The following KCNT2 variants were observed in gnomAD, a reference collection of about 807,000 sequenced individuals.
KCNT2 encodes the protein potassium channel subfamily T member 2.
In KCNT2, 67 loss-of-function variants were observed where a neutral mutation model predicts 153.8. The observed-to-expected ratio is 0.44, with a 90% CI of 0.36 to 0.53. KCNT2 has a LOEUF of 0.53. KCNT2 is among the 20% of genes least tolerant of loss of function. The pLI is 0.00. For synonymous variants in KCNT2, 500 were observed against 458.8 expected, an observed-to-expected ratio of 1.09 and a Z score of -1.15; for missense variants, 975 against 1,354.8, an observed-to-expected ratio of 0.72 and a Z score of 4.40.
chr1:196,451,217 C>CTATTTTTTTTTTTTTTTTTTTT (rs1676135727), intron 8 of KCNT2, among the ~76,000 whole-genome samples: 2 of 63,552 alleles, frequency 3.1e-5, no homozygotes, highest in African/African-American at 9.4e-5. Context: ...ATCCCTCTTT[C>CTATTTTTTTTTTTTTTTTTTTT]TTTTTTTTTT....
Position 196,452,745 on chromosome 1 carries a change from T to C in KCNT2, c.638+12548A>G, listed in dbSNP as rs533967686. ...ATAGATGGTATTATAAGGAATTGAC[T>C]CACTAAACTATGAAGGCTGATGGTG... On this transcript the variant is annotated intron_variant, in intron 8 of 27. Coordinates refer to ENST00000294725, the MANE Select transcript of KCNT2 (RefSeq NM_198503.5). Among the ~76,000 whole-genome samples the C allele has an allele frequency of 1.8e-4, 28 of 152,000 alleles. No individual in the cohort carries two copies. In the South Asian group the frequency reaches 2.1e-3, roughly 11 times the overall value.
intron 1 of KCNT2, among the ~76,000 whole-genome samples, chr1:196,527,443 G>A (rs1381908028): frequency 1.3e-5 from 2 of 152,088 alleles, no homozygotes; most frequent in East Asian, 1.9e-4. Flanking sequence ...AAGTATTCAC[G>A]TGTGAGTAAT....
intron 1 of KCNT2, among the ~76,000 whole-genome samples, chr1:196,553,677 C>A (rs1658251224): frequency 6.6e-6 from 1 of 151,090 alleles, no homozygotes; most frequent in Non-Finnish European, 1.5e-5. Flanking sequence ...CCAATGGCTG[C>A]ACAATATGCA....
Position 196,429,670 on chromosome 1 carries a change from A to G in KCNT2, c.726T>C (p.Thr242=). ...CAGGAGTGACATCCCCGAAGCCCAC[A>G]GTAGAAAACGTCACAATGCAGAAAT... ...SLYFCIVTFS[T]VGFGDVTPET... The change falls in exon 9 of 28, where the codon ACT becomes ACC. Residue 242 remains threonine (T), a synonymous_variant. Transcript: ENST00000294725. 1.2e-6 allele frequency: 2 copies of G among 1,612,794 alleles called. No individual in the cohort carries two copies. The highest frequency in any genetic ancestry group is 1.1e-5 in the South Asian group (1 of 91,026).
At chr1:196,299,110 A>AAGCAAGAG (rs1660942970) in intron 22 of KCNT2, among the ~76,000 whole-genome samples, 1 of 152,044 alleles carries the variant, frequency 6.6e-6, no homozygotes, top group Admixed American at 6.6e-5. Flanking sequence ...AAATACATCA[A>AAGCAAGAG]AGCAAGAGAA....
rs139175209 is a variant in KCNT2, at chr1:196,551,691, A to G, written c.95+56524T>C. On this transcript the variant is annotated intron_variant, in intron 1 of 27. Coordinates refer to ENST00000294725, the MANE Select transcript of KCNT2 (RefSeq NM_198503.5). ...GATAAAGTCCACTCTGAAATATGGAACGACTCTTTTTTTATGTGTTTTTCT... is the reference window on the plus strand; with the variant it reads ...GATAAAGTCCACTCTGAAATATGGAGCGACTCTTTTTTTATGTGTTTTTCT... 5.3e-4 allele frequency among the ~76,000 whole-genome samples: 81 copies of G among 151,704 alleles called. 1 individual carries two copies. The East Asian group carries it at 0.014, about 27-fold the overall frequency.
At chr1:196,352,783 T>C (rs1379608188) in intron 14 of KCNT2, among the ~76,000 whole-genome samples, 1 of 152,104 alleles carries the variant, frequency 6.6e-6, no homozygotes, top group Non-Finnish European at 1.5e-5. Flanking sequence ...TTCTAGTTCT[T>C]TTAATTGTGA....
chr1:196,474,974 A>G (rs1320450180), intron 5 of KCNT2, among the ~76,000 whole-genome samples: 1 of 152,192 alleles, frequency 6.6e-6, no homozygotes, highest in Admixed American at 6.5e-5. Flanking sequence ...TTTCGCTTTA[A>G]GTTGGTCTGG....
At chr1:196,442,160 G>T (rs2148590375) in intron 8 of KCNT2, among the ~76,000 whole-genome samples, 1 of 151,866 alleles carries the variant, frequency 6.6e-6, no homozygotes, top group East Asian at 2.0e-4. Flanking sequence ...CGACGGAAAA[G>T]CTATTATAAA....
At chr1:196,515,038 GAAAATTGTAA>G (rs1339633153) in intron 1 of KCNT2, among the ~76,000 whole-genome samples, 3 of 152,142 alleles carry the variant, frequency 2.0e-5, no homozygotes, top group Non-Finnish European at 4.4e-5. Flanking sequence ...TCTAATTTAG[GAAAATTGTAA>G]AATATGTTCT....
intron 5 of KCNT2, among the ~76,000 whole-genome samples, chr1:196,477,698 T>C (rs184918085): frequency 6.6e-6 from 1 of 152,164 alleles, no homozygotes; most frequent in Non-Finnish European, 1.5e-5. Context: ...TTAACAAAAA[T>C]TAGTAATGAT....
At chr1:196,350,569 AT>A (rs1666582574) in intron 14 of KCNT2, among the ~76,000 whole-genome samples, 1 of 151,660 alleles carries the variant, frequency 6.6e-6, no homozygotes, top group Non-Finnish European at 1.5e-5. Context: ...CTTCTTGTAA[AT>A]TTGTTTGAGT....
chr1:196,264,119 A>G (rs902123185), intron 25 of KCNT2, among the ~76,000 whole-genome samples: 2 of 151,996 alleles, frequency 1.3e-5, no homozygotes, highest in Non-Finnish European at 2.9e-5. Context: ...TAAGGCTTCA[A>G]TTTCTTAATG....
Position 196,442,293 on chromosome 1 carries a change from T to C in KCNT2, c.639-12536A>G, listed in dbSNP as rs951093843. 2.6e-5 allele frequency among the ~76,000 whole-genome samples: 4 copies of C among 151,866 alleles called. No homozygotes were observed. The South Asian group carries it at 8.3e-4, about 31-fold the overall frequency. ...TTTCAATTTGTTACTTCTTGCTTCTTGGAAAACTTATAGGATTTTCTTCTC... is the reference window on the plus strand; with the variant it reads ...TTTCAATTTGTTACTTCTTGCTTCTCGGAAAACTTATAGGATTTTCTTCTC... On this transcript the variant is annotated intron_variant, in intron 8 of 27. Coordinates refer to ENST00000294725, the MANE Select transcript of KCNT2 (RefSeq NM_198503.5).
chr1:196,353,307 A>T (rs1199526190), intron 14 of KCNT2, among the ~76,000 whole-genome samples: 1 of 151,816 alleles, frequency 6.6e-6, no homozygotes, highest in Non-Finnish European at 1.5e-5. Flanking sequence ...ACCTCATCTC[A>T]CTGGGCTGGG....
chr1:196,390,997 C>A (rs1039947473), intron 13 of KCNT2, among the ~76,000 whole-genome samples: 1 of 148,688 alleles, frequency 6.7e-6, no homozygotes, highest in Non-Finnish European at 1.5e-5. Flanking sequence ...CCTTAACTAT[C>A]TATTGTAGGT....
intron 1 of KCNT2, among the ~76,000 whole-genome samples, chr1:196,550,323 T>G (rs1657728952): frequency 6.6e-6 from 1 of 151,858 alleles, no homozygotes; most frequent in South Asian, 2.1e-4. Flanking sequence ...AAATCAAACA[T>G]TTGGATTGTC....
chr1:196,600,573 G>A (rs1411590741), intron 1 of KCNT2, among the ~76,000 whole-genome samples: 1 of 152,162 alleles, frequency 6.6e-6, no homozygotes, highest in Non-Finnish European at 1.5e-5. Flanking sequence ...TGGTTATGAT[G>A]TGTGGTGAAT....
Position 196,227,563 on chromosome 1 carries a change from C to G in KCNT2, c.*661G>C, listed in dbSNP as rs1653588506. On this transcript the variant is annotated 3_prime_UTR_variant, in exon 28 of 28. Coordinates refer to ENST00000294725, the MANE Select transcript of KCNT2 (RefSeq NM_198503.5). ...ATAAAGTTACCAAAAAGTGCAGGAA[C>G]CTAGTGTTTCTTTTCATTTATGTTT... 1 of 152,210 alleles carries G rather than the reference C, an allele frequency of 6.6e-6. No individual in the cohort carries two copies. The highest frequency in any genetic ancestry group is 2.1e-4 in the South Asian group (1 of 4,830). 9.4% of individuals were successfully genotyped at this position (152,210 alleles called of 1,614,324 possible).
Sources: allele counts gnomAD v4.1 joint callset (sites outside exome capture counted in the v4.1 genomes callset), GRCh38; gene constraint gnomAD v4.1.1; transcripts MANE v1.5; gene names NCBI Gene and HGNC (gene_info 2026-07-23, HGNC 2026-07-21).